The following TMCC1 variants were observed in gnomAD, a reference collection of about 807,000 sequenced individuals.
TMCC1 encodes transmembrane and coiled-coil domain family 1, also known as transmembrane and coiled-coil domains protein 1.
Under a neutral mutation model 52.4 loss-of-function variants are expected in TMCC1, and 15 were observed. The ratio of observed to expected loss-of-function variants is 0.29; its 90% confidence interval spans 0.19 to 0.44. TMCC1 has a LOEUF of 0.44. Ranked by LOEUF, TMCC1 falls within the 20% of genes least tolerant of loss-of-function variation. The pLI, the probability that TMCC1 is intolerant of heterozygous loss-of-function variation, is 1.00. For missense variants in TMCC1, 503 were observed against 806.0 expected (o/e 0.62, Z 4.55); for synonymous variants, 279 against 301.9 (o/e 0.92, Z 0.79).
In TMCC1 at chr3:129,822,696, C is replaced by A. The variant is rs368777440; in HGVS notation, c.576+5107G>T. Among the ~76,000 whole-genome samples, 7 of 152,296 alleles carry A rather than the reference C, an allele frequency of 4.6e-5. No homozygotes were observed. The East Asian group carries it at 1.4e-3, about 29-fold the overall frequency. On this transcript the variant is annotated intron_variant, in intron 4 of 6. Coordinates refer to ENST00000393238, the MANE Select transcript of TMCC1 (RefSeq NM_001017395.5). ...ATGCTGAACACAAAACAAGAGGGAA[C>A]CCAGGGATCTGGTCCTGGTATCACT...
chr3:129,744,418 A>T (rs2051739641), intron 4 of TMCC1, among the ~76,000 whole-genome samples: 1 of 151,750 alleles, frequency 6.6e-6, no homozygotes, highest in African/African-American at 2.4e-5. Context: ...GTCCGAAAGC[A>T]CTGGGATTAC....
intron 1 of TMCC1, among the ~76,000 whole-genome samples, chr3:129,881,541 T>C (rs2061461771): frequency 6.6e-6 from 1 of 152,056 alleles, no homozygotes; most frequent in Non-Finnish European, 1.5e-5. Context: ...AAACTAAAAG[T>C]TGACATGAAA....
At chr3:129,836,897 A>AC (rs1457581857) in intron 2 of TMCC1, among the ~76,000 whole-genome samples, 1 of 151,932 alleles carries the variant, frequency 6.6e-6, no homozygotes, top group Non-Finnish European at 1.5e-5. Context: ...CTCCATCTCC[A>AC]CCCCCGTGGA....
At chr3:129,788,262 C>CA (rs1341288713) in intron 4 of TMCC1, among the ~76,000 whole-genome samples, 2 of 152,168 alleles carry the variant, frequency 1.3e-5, no homozygotes, top group Non-Finnish European at 2.9e-5. Context: ...CTCAGGTCTA[C>CA]ATGGTCAACA....
At chr3:129,835,489 A>G (rs1337986010) in intron 2 of TMCC1, among the ~76,000 whole-genome samples, 2 of 152,196 alleles carry the variant, frequency 1.3e-5, no homozygotes, top group Non-Finnish European at 2.9e-5. Context: ...ATCAAACAAC[A>G]TTTAATTATT....
intron 5 of TMCC1, among the ~76,000 whole-genome samples, chr3:129,669,095 G>C (rs995033842): frequency 6.6e-6 from 1 of 152,222 alleles, no homozygotes; most frequent in African/African-American, 2.4e-5. Flanking sequence ...TTACTGATTA[G>C]AGTTTTCACC....
At chr3:129,786,426 A>C (rs1576840590) in intron 4 of TMCC1, among the ~76,000 whole-genome samples, 1 of 152,122 alleles carries the variant, frequency 6.6e-6, no homozygotes, top group East Asian at 1.9e-4. Flanking sequence ...GGCTTTTCAA[A>C]ACCCCTACCA....
At chr3:129,882,753 A>C (rs948250871) in intron 1 of TMCC1, among the ~76,000 whole-genome samples, 61 of 152,350 alleles carry the variant, frequency 4.0e-4, no homozygotes, top group African/African-American at 1.4e-3. Context: ...CATTATATTA[A>C]GTGACAGGAG....
In TMCC1 at chr3:129,671,200, C is replaced by T; in HGVS notation, c.641G>A (p.Gly214Asp). 1 of 1,614,122 alleles carries T rather than the reference C, an allele frequency of 6.2e-7. No homozygotes were observed. The highest frequency in any genetic ancestry group is 8.5e-7 in the Non-Finnish European group (1 of 1,180,032). Residue 214 changes from glycine (G) to aspartate (D), a missense_variant, in exon 5 of 7, where the codon GGC becomes GAC. Coordinates refer to ENST00000393238, the MANE Select transcript of TMCC1 (RefSeq NM_001017395.5). ...TSSAVASSTD[G>D]SIHTDSVDGT... ...ATCCACAGAGTCTGTGTGGATGCTG[C>T]CATCGGTACTGGAGGCCACTGCACT...
At chr3:129,720,029 T>G (rs542216523) in intron 4 of TMCC1, among the ~76,000 whole-genome samples, 6 of 151,528 alleles carry the variant, frequency 4.0e-5, no homozygotes, top group Admixed American at 2.0e-4. Flanking sequence ...AAAAAAGAAA[T>G]AAATTAGCAA....
intron 4 of TMCC1, among the ~76,000 whole-genome samples, chr3:129,761,203 C>T (rs1464144606): frequency 1.3e-5 from 2 of 152,010 alleles, no homozygotes; most frequent in Non-Finnish European, 2.9e-5. Flanking sequence ...TGGCAGGCGC[C>T]TGTGGTCCCA....
chr3:129,796,047 A>G (rs1319065142), intron 4 of TMCC1, among the ~76,000 whole-genome samples: 1 of 152,230 alleles, frequency 6.6e-6, no homozygotes, highest in Admixed American at 6.5e-5. Flanking sequence ...AGGAAAAAAC[A>G]CAGTACAGTC....
intron 4 of TMCC1, among the ~76,000 whole-genome samples, chr3:129,762,590 C>A (rs1159428296): frequency 6.6e-6 from 1 of 151,772 alleles, no homozygotes; most frequent in East Asian, 2.0e-4. Context: ...GAGTTCAAGA[C>A]CAGCCTAAGC....
At chr3:129,784,927 C>T (rs1392562045) in intron 4 of TMCC1, among the ~76,000 whole-genome samples, 2 of 152,034 alleles carry the variant, frequency 1.3e-5, no homozygotes, top group Non-Finnish European at 2.9e-5. Context: ...CTGCAGTAAG[C>T]TCTGATCACA....
chr3:129,679,068 C>T (rs58710885), intron 4 of TMCC1, among the ~76,000 whole-genome samples: 2,356 of 152,266 alleles, frequency 0.015, 56 homozygotes, highest in African/African-American at 0.054. Context: ...CCATAAACTC[C>T]GTGACTTCAT....
chr3:129,872,552 C>T (rs2060979768), intron 2 of TMCC1, among the ~76,000 whole-genome samples: 3 of 152,182 alleles, frequency 2.0e-5, no homozygotes, highest in Admixed American at 2.0e-4. Context: ...TCTTTCCTTC[C>T]CATGTAAAAT....
chr3:129,658,067 T>C (rs2086785192), intron 5 of TMCC1, among the ~76,000 whole-genome samples: 1 of 152,252 alleles, frequency 6.6e-6, no homozygotes, highest in African/African-American at 2.4e-5. Flanking sequence ...CAAGTATCAA[T>C]ATTTTGTATC....
intron 4 of TMCC1, among the ~76,000 whole-genome samples, chr3:129,786,489 CAG>C (rs1491295906): frequency 2.6e-5 from 4 of 152,172 alleles, no homozygotes; most frequent in Non-Finnish European, 5.9e-5. Context: ...CTGGGGGTGA[CAG>C]GGGAAGGAGT....
chr3:129,794,176 T>TA (rs1938709960), intron 4 of TMCC1: 4 of 373,368 alleles, frequency 1.1e-5, no homozygotes, highest in South Asian at 8.1e-5. Flanking sequence ...GCCTGTCAGA[T>TA]AAAAGAACAA....
Sources: gnomAD v4.1 joint callset for allele counts (sites outside exome capture counted in the v4.1 genomes callset) on GRCh38, gnomAD v4.1.1 for gene constraint, MANE v1.5 for transcripts, NCBI Gene and HGNC (gene_info 2026-07-23, HGNC 2026-07-21) for gene names.